The following MAP4K4 variants were observed in gnomAD, a reference collection of about 807,000 sequenced individuals.
The protein encoded by MAP4K4 is HPK/GCK-like kinase HGK.
Under a neutral mutation model 189.6 loss-of-function variants are expected in MAP4K4, and 38 were observed. That is an observed-to-expected ratio of 0.20 (90% CI 0.15 to 0.26). MAP4K4 has a LOEUF of 0.26. MAP4K4 is among the 10% of genes least tolerant of loss of function. The pLI is 1.00. For missense variants in MAP4K4, 1,054 were observed against 1,726.9 expected, an observed-to-expected ratio of 0.61 and a Z score of 6.91; for synonymous variants, 610 against 624.3, an observed-to-expected ratio of 0.98 and a Z score of 0.34.
chr2:101,752,625 C>T lies in MAP4K4; in HGVS notation c.124-38095C>T, dbSNP rs2069735450. Reference sequence around the variant, plus strand: ...CATTGATGGTGCACTCAGCTGGGCACTGTGCTAGTGCTTTCACCTATGAGG... The same window carrying T: ...CATTGATGGTGCACTCAGCTGGGCATTGTGCTAGTGCTTTCACCTATGAGG... On this transcript the variant is annotated intron_variant, in intron 2 of 32. Coordinates refer to ENST00000324219, the Ensembl canonical transcript of MAP4K4. Among the ~76,000 whole-genome samples, 3 of 152,188 alleles carry T rather than the reference C, an allele frequency of 2.0e-5. No homozygotes were observed. In the South Asian group the frequency reaches 6.2e-4, roughly 31 times the overall value.
intron 2 of MAP4K4, among the ~76,000 whole-genome samples, chr2:101,722,513 T>A (rs2052749902): frequency 6.6e-6 from 1 of 152,204 alleles, no homozygotes; most frequent in Non-Finnish European, 1.5e-5. Context: ...TAAATAAAGG[T>A]CTGCATTTTT....
chr2:101,712,912 T>C (rs1292454441), intron 2 of MAP4K4, among the ~76,000 whole-genome samples: 1 of 150,898 alleles, frequency 6.6e-6, no homozygotes, highest in Admixed American at 6.6e-5. Context: ...TCTTTTTTTT[T>C]TTTTTTTTGA....
At chr2:101,883,874 G>A (rs17802614) in intron 28 of MAP4K4, among the ~76,000 whole-genome samples, 37,084 of 151,952 alleles carry the variant, frequency 0.24, 5,498 homozygotes, top group Non-Finnish European at 0.31. Flanking sequence ...CTAATGATAC[G>A]GGAAAGTAGA....
chr2:101,839,197 A>G (rs2096849610), intron 9 of MAP4K4, among the ~76,000 whole-genome samples: 3 of 152,242 alleles, frequency 2.0e-5, no homozygotes, highest in Non-Finnish European at 4.4e-5. Flanking sequence ...ATGGAGAAAC[A>G]GGAAGAAGTA....
intron 12 of MAP4K4, among the ~76,000 whole-genome samples, chr2:101,850,197 C>T (rs531350989): frequency 1.3e-5 from 2 of 152,050 alleles, no homozygotes; most frequent in Non-Finnish European, 2.9e-5. Context: ...TTCTGTCATT[C>T]CTACAAAATC....
intron 7 of MAP4K4, 138 bp downstream of exon 7, chr2:101,831,989 G>A (rs370595043): frequency 8.3e-6 from 8 of 968,528 alleles, no homozygotes; most frequent in East Asian, 2.7e-5. Flanking sequence ...AATTGCAGGT[G>A]CAAATTTTCC....
intron 2 of MAP4K4, among the ~76,000 whole-genome samples, chr2:101,737,895 G>T (rs566545316): frequency 7.9e-5 from 12 of 152,218 alleles, no homozygotes; most frequent in Admixed American, 7.9e-4. Flanking sequence ...GGCCAGGAAT[G>T]AATGGAAATG....
chr2:101,704,551 A>T, intron 2 of MAP4K4, among the ~76,000 whole-genome samples: 1 of 69,380 alleles, frequency 1.4e-5, no homozygotes, highest in African/African-American at 7.0e-5. Context: ...GTATATATAT[A>T]TATATATATA....
rs569220806 is a variant in MAP4K4 at position 101,863,943 on chromosome 2, A to G, written c.1989A>G (p.Pro663=). 71 of 1,367,652 alleles carry G rather than the reference A, an allele frequency of 5.2e-5. 1 individual carries two copies. Among genetic ancestry groups the G allele is most frequent in the Admixed American group, 1.5e-4 (8 of 52,586 alleles). The allele number at this position is 1,367,652 out of a possible 1,614,324, so 84.7% of individuals were successfully genotyped here. The change falls in exon 17 of 33, where the codon CCA becomes CCG. Residue 663 remains proline, a synonymous_variant. Transcript: ENST00000324219. Reference sequence around the variant, plus strand: ...ATCTTCGTTCTCAGGACCCATGTCCACCTTCCCGCAGTGAGGTGCTCAGTC... The same window carrying G: ...ATCTTCGTTCTCAGGACCCATGTCCGCCTTCCCGCAGTGAGGTGCTCAGTC...
chr2:101,796,826 C>A (rs371092158), intron 3 of MAP4K4, among the ~76,000 whole-genome samples: 28 of 152,110 alleles, frequency 1.8e-4, no homozygotes, highest in Admixed American at 5.2e-4. Context: ...TTCCAGTATT[C>A]CTAGCGCCAT....
At position 101,866,666 on chromosome 2, in the gene MAP4K4, G is replaced by A. The variant is rs191281604; in HGVS notation, c.2356+87G>A. 356 of 1,489,034 alleles carry A rather than the reference G, an allele frequency of 2.4e-4. 1 individual carries two copies. The African/African-American group carries it at 4.5e-3, about 19-fold the overall frequency. The allele number at this position is 1,489,034 out of a possible 1,614,324, so 92.2% of individuals were successfully genotyped here. On this transcript the variant is annotated intron_variant, in intron 19 of 32. Transcript: ENST00000324219. Reference sequence around the variant, plus strand: ...AAGTTTGTCTTAATCTGTAGTTTGCGTGTAGCCACACGTCACAAAACAATG... The same window carrying A: ...AAGTTTGTCTTAATCTGTAGTTTGCATGTAGCCACACGTCACAAAACAATG...
At chr2:101,769,095 ATGTT>A (rs886743756) in intron 2 of MAP4K4, among the ~76,000 whole-genome samples, 4 of 152,006 alleles carry the variant, frequency 2.6e-5, no homozygotes, top group South Asian at 2.1e-4. Flanking sequence ...TGTTTGTTAT[ATGTT>A]TGTTTGTTTG....
intron 2 of MAP4K4, among the ~76,000 whole-genome samples, chr2:101,708,982 T>C (rs1405785467): frequency 6.6e-6 from 1 of 152,174 alleles, no homozygotes; most frequent in Non-Finnish European, 1.5e-5. Flanking sequence ...TGTTCACCAA[T>C]TGATAGGCAT....
chr2:101,814,323 A>G (rs2095596518), intron 3 of MAP4K4, among the ~76,000 whole-genome samples: 2 of 152,210 alleles, frequency 1.3e-5, no homozygotes, highest in African/African-American at 2.4e-5. Context: ...AGTCTGTGAC[A>G]CTTATTCATG....
At chr2:101,700,076 C>T (rs549311066) in intron 2 of MAP4K4, among the ~76,000 whole-genome samples, 13 of 152,114 alleles carry the variant, frequency 8.5e-5, no homozygotes, top group Non-Finnish European at 1.8e-4. Flanking sequence ...GTGAATTAGC[C>T]AGAGCTTGTT....
intron 13 of MAP4K4, among the ~76,000 whole-genome samples, chr2:101,858,484 TCATTCCAGG>T (rs2097542405): frequency 6.6e-6 from 1 of 152,216 alleles, no homozygotes; most frequent in South Asian, 2.1e-4. Flanking sequence ...TGGAATGTAG[TCATTCCAGG>T]TGCCTTTGGA....
exon 32 of MAP4K4, chr2:101,888,921 G>A: frequency 1.9e-6 from 3 of 1,611,576 alleles, no homozygotes; most frequent in Non-Finnish European, 2.5e-6. Flanking sequence ...ATTCTTGTGT[G>A]AACGCAATGA....
intron 2 of MAP4K4, among the ~76,000 whole-genome samples, chr2:101,700,002 CCAGT>C (rs1259518727): frequency 6.6e-6 from 1 of 152,096 alleles, no homozygotes; most frequent in Non-Finnish European, 1.5e-5. Context: ...TGTTTAAGCA[CCAGT>C]CATTTTTTTT....
chr2:101,891,102 A>G (rs1198329276), intron 32 of MAP4K4, 64 bp from the exon 33 acceptor site: 1 of 1,297,858 alleles, frequency 7.7e-7, no homozygotes, highest in Admixed American at 1.7e-5. Context: ...GGTGGCTTAG[A>G]TTCCCTGGCT....
Sources: allele counts gnomAD v4.1 joint callset (sites outside exome capture counted in the v4.1 genomes callset), GRCh38; gene constraint gnomAD v4.1.1; transcripts MANE v1.5; gene names NCBI Gene and HGNC (gene_info 2026-07-23, HGNC 2026-07-21).